The following PTPRD variants were observed in gnomAD, a reference collection of about 807,000 sequenced individuals.
The protein encoded by PTPRD is receptor-type tyrosine-protein phosphatase delta.
PTPRD carries 34 observed loss-of-function variants against 214.5 expected under a neutral mutation model. The ratio of observed to expected loss-of-function variants is 0.16; its 90% CI spans 0.12 to 0.21. The LOEUF is 0.21. Among genes scored for constraint, PTPRD ranks in the 10% least tolerant of loss-of-function variants. PTPRD has a pLI of 1.00. For missense variants in PTPRD, 2,545 were observed against 2,398.7 expected (o/e 1.06, Z -1.27); for synonymous variants, 1,128 against 845.7 (o/e 1.33, Z -5.79).
intron 3 of PTPRD, among the ~76,000 whole-genome samples, chr9:10,229,664 G>T (rs1441938648): frequency 7.7e-6 from 1 of 130,498 alleles, no homozygotes; most frequent in South Asian, 2.5e-4. Flanking sequence ...AGAACACATG[G>T]ACATAGATTG....
chr9:9,096,016 C>T (rs147976923), intron 10 of PTPRD, among the ~76,000 whole-genome samples: 272 of 152,186 alleles, frequency 1.8e-3, no homozygotes, highest in African/African-American at 6.0e-3. Flanking sequence ...GAAAATATTG[C>T]GTTATTCTAC....
chr9:9,441,904 T>C (rs987868714), intron 8 of PTPRD, among the ~76,000 whole-genome samples: 51 of 152,232 alleles, frequency 3.4e-4, no homozygotes, highest in African/African-American at 1.1e-3. Context: ...ATTTGAGCAA[T>C]AGCAGGGGTG....
chr9:8,338,639 T>TAAAC (rs1249977699), intron 43 of PTPRD, among the ~76,000 whole-genome samples: 1 of 151,992 alleles, frequency 6.6e-6, no homozygotes, highest in Non-Finnish European at 1.5e-5. Flanking sequence ...AACCAATCAG[T>TAAAC]AAACACTTCC....
At chr9:9,623,104 A>T (rs2095303760) in intron 7 of PTPRD, among the ~76,000 whole-genome samples, 1 of 152,336 alleles carries the variant, frequency 6.6e-6, no homozygotes, top group South Asian at 2.1e-4. Flanking sequence ...TAAATCCTTT[A>T]TTACTTGCAT....
At chr9:9,950,181 C>T (rs2093307285) in intron 4 of PTPRD, among the ~76,000 whole-genome samples, 1 of 152,150 alleles carries the variant, frequency 6.6e-6, no homozygotes, top group African/African-American at 2.4e-5. Context: ...GCTGACCTAA[C>T]CTGATAATGA....
At chr9:9,926,355 T>C (rs539934532) in intron 5 of PTPRD, among the ~76,000 whole-genome samples, 96 of 152,198 alleles carry the variant, frequency 6.3e-4, no homozygotes, top group African/African-American at 2.2e-3. Flanking sequence ...GGGATCATCA[T>C]CATACAAATT....
chr9:10,416,686 C>T (rs530487593), intron 2 of PTPRD, among the ~76,000 whole-genome samples: 2 of 151,618 alleles, frequency 1.3e-5, no homozygotes, highest in African/African-American at 4.8e-5. Flanking sequence ...TAAGAAATAT[C>T]ACATATCACG....
At chr9:10,280,775 ATT>A (rs35974453) in intron 3 of PTPRD, among the ~76,000 whole-genome samples, 11 of 147,856 alleles carry the variant, frequency 7.4e-5, no homozygotes, top group South Asian at 2.1e-4. Flanking sequence ...ACACATGGCA[ATT>A]TTTTTTTTTT....
At position 9,658,276 on chromosome 9, in the gene PTPRD, GT is replaced by G. The variant is rs1157674284; in HGVS notation, c.-287+76256del. Among the ~76,000 whole-genome samples the G allele has an allele frequency of 2.6e-5, 4 of 152,116 alleles. No individual in the cohort carries two copies. The East Asian group carries it at 7.7e-4, about 29-fold the overall frequency. On this transcript the variant is annotated intron_variant, in intron 7 of 45. Transcript: ENST00000381196. ...AAGAACAAAGAGGATATACTAGGTT[GT>G]TTTTGGTGAAAATTTAAACATCATT...
At chr9:8,884,885 T>C (rs2098474093) in intron 11 of PTPRD, among the ~76,000 whole-genome samples, 1 of 152,200 alleles carries the variant, frequency 6.6e-6, no homozygotes, top group African/African-American at 2.4e-5. Flanking sequence ...ACTGCACATC[T>C]GGATTATAGA....
chr9:8,558,129 G>A (rs1239237638), intron 14 of PTPRD, among the ~76,000 whole-genome samples: 1 of 152,086 alleles, frequency 6.6e-6, no homozygotes, highest in Non-Finnish European at 1.5e-5. Context: ...ACAGAGAGAC[G>A]GACAAAGCAG....
rs568852478 is a variant in PTPRD, at chr9:9,185,517, C to T, written c.-202-2154G>A. ...TCTTGCTTGGCAGAAGTCAACTTTCCGAGATTTACCTCCTTTACTTTCAGC... is the reference window on the plus strand; with the variant it reads ...TCTTGCTTGGCAGAAGTCAACTTTCTGAGATTTACCTCCTTTACTTTCAGC... On this transcript the variant is annotated intron_variant, in intron 9 of 45. Coordinates refer to ENST00000381196, the MANE Select transcript of PTPRD (RefSeq NM_002839.4). Among the ~76,000 whole-genome samples, 8 of 152,110 alleles carry T rather than the reference C, an allele frequency of 5.3e-5. No homozygotes were observed. The South Asian group carries it at 1.4e-3, about 28-fold the overall frequency.
chr9:9,202,245 T>A (rs1449871810), intron 9 of PTPRD, among the ~76,000 whole-genome samples: 2 of 152,184 alleles, frequency 1.3e-5, no homozygotes, highest in African/African-American at 4.8e-5. Context: ...ATAACACAAA[T>A]CTTATTGTCA....
chr9:8,378,412 T>C (rs376402604), intron 37 of PTPRD, among the ~76,000 whole-genome samples: 1 of 148,872 alleles, frequency 6.7e-6, no homozygotes. Context: ...TCAGCAGTCA[T>C]GATATAGATG....
At chr9:10,231,956 T>TAGAGAGAGAG (rs56151511) in intron 3 of PTPRD, among the ~76,000 whole-genome samples, 26 of 109,060 alleles carry the variant, frequency 2.4e-4, no homozygotes, top group African/African-American at 8.3e-4. Flanking sequence ...GGGAATGAAT[T>TAGAGAGAGAG]AGAGAGAGAG....
intron 5 of PTPRD, among the ~76,000 whole-genome samples, chr9:9,925,710 T>C (rs10759105): frequency 0.57 from 86,057 of 151,926 alleles, 27,304 homozygotes; most frequent in East Asian, 0.91. Context: ...ACTTCTAATG[T>C]CGTGTCTCAA....
At chr9:9,813,063 G>A (rs1027919104) in intron 5 of PTPRD, among the ~76,000 whole-genome samples, 2 of 151,820 alleles carry the variant, frequency 1.3e-5, no homozygotes, top group Non-Finnish European at 2.9e-5. Flanking sequence ...TGCAATCAAT[G>A]GGCCAAAGAA....
intron 11 of PTPRD, among the ~76,000 whole-genome samples, chr9:8,788,893 T>C (rs1020433880): frequency 5.9e-5 from 9 of 152,104 alleles, no homozygotes; most frequent in Non-Finnish European, 1.3e-4. Context: ...GTCTTACATG[T>C]TATGATGTTC....
chr9:8,515,305 G>A (rs1307599608), intron 21 of PTPRD, among the ~76,000 whole-genome samples: 1 of 152,138 alleles, frequency 6.6e-6, no homozygotes, highest in Non-Finnish European at 1.5e-5. Flanking sequence ...TACATGCAAA[G>A]TTCATAGTAT....
Sources: allele counts gnomAD v4.1 joint callset (sites outside exome capture counted in the v4.1 genomes callset), GRCh38; gene constraint gnomAD v4.1.1; transcripts MANE v1.5; gene names NCBI Gene and HGNC (gene_info 2026-07-23, HGNC 2026-07-21).